PCDHA3: variants seen among roughly 807,000 people sequenced by gnomAD.
The protein encoded by PCDHA3 is protocadherin alpha 3.
In PCDHA3, 41 loss-of-function variants were observed where a neutral mutation model predicts 62.2. The ratio of observed to expected loss-of-function variants is 0.66; its 90% CI spans 0.51 to 0.86. The LOEUF (loss-of-function observed/expected upper bound fraction) is 0.86. PCDHA3 is among the 40% of genes least tolerant of loss of function. PCDHA3 has a pLI of 0.00. For synonymous variants in PCDHA3, 640 were observed against 555.4 expected (o/e 1.15, Z -2.14); for missense variants, 1,304 against 1,241.2 (o/e 1.05, Z -0.76).
intron 1 of PCDHA3, chr5:140,853,614 A>G (rs1477333407): frequency 1.0e-6 from 1 of 988,026 alleles, no homozygotes; most frequent in Non-Finnish European, 1.2e-6. Flanking sequence ...GGGTGCTGTA[A>G]ATAAGTATAC....
At chr5:140,898,748 G>C (rs1397892217) in intron 1 of PCDHA3, among the ~76,000 whole-genome samples, 44 of 152,222 alleles carry the variant, frequency 2.9e-4, no homozygotes, top group Non-Finnish European at 5.0e-4. Context: ...TAGCTTGATG[G>C]GGATGGCATT....
At chr5:140,856,890 G>T in intron 1 of PCDHA3, 2 of 1,596,172 alleles carry the variant, frequency 1.3e-6, no homozygotes, top group Non-Finnish European at 1.7e-6. Context: ...TATTCATTTA[G>T]CTCTTTGGTC....
intron 1 of PCDHA3, among the ~76,000 whole-genome samples, chr5:140,914,691 T>G (rs1300550753): frequency 6.6e-6 from 1 of 152,130 alleles, no homozygotes; most frequent in Non-Finnish European, 1.5e-5. Flanking sequence ...TTTTCTCTGG[T>G]GGTATGATTT....
rs1467501869 is a variant in PCDHA3 at position 140,802,366 on chromosome 5, C to T, written c.1169C>T (p.Thr390Met). 1.2e-6 allele frequency: 2 copies of T among 1,614,244 alleles called. No individual in the cohort carries two copies. Among genetic ancestry groups the T allele is most frequent in the Non-Finnish European group, 8.5e-7 (1 of 1,180,040 alleles). ...GVNGQVTCSL[T>M]PHVPFKLVST... Reference sequence around the variant, plus strand: ...AATGGACAGGTCACCTGCTCGCTGACGCCCCACGTCCCCTTCAAGCTGGTG... The same window carrying T: ...AATGGACAGGTCACCTGCTCGCTGATGCCCCACGTCCCCTTCAAGCTGGTG... The change falls in exon 1 of 4, where the codon ACG becomes ATG. Residue 390 changes from threonine (T) to methionine (M), a missense_variant. Physicochemically the swap from Thr to Met is moderately conservative, Grantham distance 81 (BLOSUM62 -1). Transcript: ENST00000522353.
intron 1 of PCDHA3, among the ~76,000 whole-genome samples, chr5:140,893,124 CA>C (rs2063834148): frequency 2.0e-5 from 3 of 152,298 alleles, no homozygotes; most frequent in Admixed American, 1.3e-4. Flanking sequence ...ATATACACCA[CA>C]TTTTCTTTAT....
intron 3 of PCDHA3, among the ~76,000 whole-genome samples, chr5:141,005,708 A>G (rs1245739768): frequency 6.8e-6 from 1 of 146,360 alleles, no homozygotes; most frequent in Non-Finnish European, 1.5e-5. Context: ...TCTCAAAAAA[A>G]AAAAAAAAAA....
intron 1 of PCDHA3, chr5:140,929,861 G>C (rs2086430114): frequency 6.5e-6 from 1 of 153,628 alleles, no homozygotes; most frequent in Admixed American, 6.5e-5. Context: ...AGTCAGAGAA[G>C]GCTTTGTGAT....
intron 1 of PCDHA3, chr5:140,876,762 G>A (rs1554168889): frequency 3.7e-6 from 6 of 1,614,252 alleles, no homozygotes; most frequent in Non-Finnish European, 5.1e-6. Flanking sequence ...CGCGGGATGG[G>A]GGCTCGCCTT....
chr5:140,857,126 G>A, intron 1 of PCDHA3: 2 of 1,598,256 alleles, frequency 1.3e-6, no homozygotes, highest in Non-Finnish European at 1.7e-6. Flanking sequence ...CCCAGTGAAA[G>A]AAGATGCTCA....
intron 1 of PCDHA3, among the ~76,000 whole-genome samples, chr5:140,971,092 G>A (rs1263264725): frequency 2.0e-5 from 3 of 152,168 alleles, no homozygotes; most frequent in Non-Finnish European, 4.4e-5. Flanking sequence ...ACAAATTCTT[G>A]TGAAGCCCTT....
At chr5:140,875,894 C>T in intron 1 of PCDHA3, 1 of 1,614,170 alleles carries the variant, frequency 6.2e-7, no homozygotes, top group Non-Finnish European at 8.5e-7. Context: ...CAAAAGGTAC[C>T]TGTTTCTGAA....
intron 3 of PCDHA3, among the ~76,000 whole-genome samples, chr5:141,005,617 G>C (rs1419951778): frequency 6.7e-6 from 1 of 149,280 alleles, no homozygotes; most frequent in Non-Finnish European, 1.5e-5. Context: ...CAGGAGAATG[G>C]CGTGAACCCG....
intron 1 of PCDHA3, among the ~76,000 whole-genome samples, chr5:140,974,407 A>T (rs1441174003): frequency 6.6e-6 from 1 of 152,244 alleles, no homozygotes; most frequent in African/African-American, 2.4e-5. Flanking sequence ...TTCTAAAGTT[A>T]TGTTTATTTT....
chr5:140,807,053 T>A, intron 1 of PCDHA3: 1 of 1,057,398 alleles, frequency 9.5e-7, no homozygotes, highest in Non-Finnish European at 1.4e-6. Context: ...CCTTCTATTC[T>A]TACTGGAAGG....
At chr5:140,892,641 T>G (rs2063609688) in intron 1 of PCDHA3, among the ~76,000 whole-genome samples, 1 of 152,226 alleles carries the variant, frequency 6.6e-6, no homozygotes. Flanking sequence ...TTGTACATAT[T>G]TATAGGATAC....
intron 1 of PCDHA3, among the ~76,000 whole-genome samples, chr5:140,948,438 G>A (rs2094254732): frequency 6.6e-6 from 1 of 151,474 alleles, no homozygotes; most frequent in South Asian, 2.1e-4. Context: ...GAAACATTCT[G>A]TGCCAGGGAT....
chr5:140,886,328 C>T (rs1554182483), intron 1 of PCDHA3, among the ~76,000 whole-genome samples: 1 of 151,922 alleles, frequency 6.6e-6, no homozygotes, highest in African/African-American at 2.4e-5. Context: ...TTCTGGGATA[C>T]ATGTGCAGAA....
intron 1 of PCDHA3, among the ~76,000 whole-genome samples, chr5:140,933,231 A>G (rs1488760874): frequency 4.6e-5 from 7 of 152,008 alleles, no homozygotes; most frequent in Non-Finnish European, 1.0e-4. Context: ...GCATTTATGA[A>G]AAAGAAAGGA....
intron 1 of PCDHA3, chr5:140,882,990 A>T (rs1554176394): frequency 6.2e-7 from 1 of 1,614,130 alleles, no homozygotes; most frequent in Admixed American, 1.7e-5. Context: ...AACGCCCCGG[A>T]ATTTTACCAA....
Sources: gnomAD v4.1 joint callset for allele counts (sites outside exome capture counted in the v4.1 genomes callset) on GRCh38, gnomAD v4.1.1 for gene constraint, MANE v1.5 for transcripts, NCBI Gene and HGNC (gene_info 2026-07-23, HGNC 2026-07-21) for gene names.